COA1: variants seen among roughly 807,000 people sequenced by gnomAD.
The protein encoded by COA1 is cytochrome c oxidase assembly factor 1 homolog.
A neutral mutation model predicts 16.0 loss-of-function variants in COA1; 13 were observed. The ratio of observed to expected loss-of-function variants is 0.81; its 90% CI spans 0.53 to 1.29. COA1 has a LOEUF of 1.29. Among genes scored for constraint, COA1 ranks in the 50% most tolerant of loss-of-function variants. The pLI is 0.00. For missense variants in COA1, 179 were observed against 177.0 expected, an observed-to-expected ratio of 1.01 and a Z score of -0.06; for synonymous variants, 65 against 65.7, an observed-to-expected ratio of 0.99 and a Z score of 0.05.
chr7:43,712,424 T>C (rs2095280162), intron 1 of COA1, among the ~76,000 whole-genome samples: 1 of 152,196 alleles, frequency 6.6e-6, no homozygotes, highest in Non-Finnish European at 1.5e-5. Flanking sequence ...CCTCCAGAAT[T>C]TTGAAGGCGG....
At chr7:43,718,833 G>A (rs1440885608) in intron 1 of COA1, among the ~76,000 whole-genome samples, 1 of 151,994 alleles carries the variant, frequency 6.6e-6, no homozygotes, top group Non-Finnish European at 1.5e-5. Context: ...AGTTAATTTC[G>A]ACTCATTCTT....
intron 6 of COA1, chr7:43,624,697 C>A (rs559570046): frequency 6.2e-7 from 1 of 1,614,004 alleles, no homozygotes; most frequent in South Asian, 1.1e-5. Context: ...TCCATTGTAA[C>A]CGAAGAGTTA....
At chr7:43,689,342 C>T (rs1048815875) in intron 1 of COA1, among the ~76,000 whole-genome samples, 1 of 152,182 alleles carries the variant, frequency 6.6e-6, no homozygotes, top group Admixed American at 6.5e-5. Flanking sequence ...AAGGCAGAGA[C>T]TGACTGTAAT....
chr7:43,655,507 C>CA (rs2091576367), intron 1 of COA1, among the ~76,000 whole-genome samples: 1 of 152,034 alleles, frequency 6.6e-6, no homozygotes, highest in African/African-American at 2.4e-5. Flanking sequence ...TAACATCAAC[C>CA]GGGCATGGTG....
chr7:43,611,721 G>A (rs2082897748), intron 6 of COA1, among the ~76,000 whole-genome samples: 2 of 152,150 alleles, frequency 1.3e-5, no homozygotes, highest in African/African-American at 4.8e-5. Context: ...AAATGTTTAT[G>A]CTGTAGCTTC....
intron 1 of COA1, among the ~76,000 whole-genome samples, chr7:43,653,735 G>C (rs1012998261): frequency 6.6e-6 from 1 of 151,888 alleles, no homozygotes; most frequent in South Asian, 2.1e-4. Context: ...AAGTAATGGC[G>C]AAAACCACAA....
chr7:43,674,461 CTTCT>C (rs1343611925), intron 1 of COA1, among the ~76,000 whole-genome samples: 3 of 152,162 alleles, frequency 2.0e-5, no homozygotes, highest in Non-Finnish European at 2.9e-5. Flanking sequence ...ACAAAGCTTA[CTTCT>C]TTCTTGCTCC....
At position 43,647,721 on chromosome 7, in the gene COA1, A is replaced by G. The variant is rs74851925; in HGVS notation, c.16-87T>C. ...CCGGCTTGGACCCCTAAAGGAAAGA[A>G]GCATTAAGGAAGCCAGAAAGGAGGC... On this transcript the variant is annotated intron_variant, in intron 2 of 5. Coordinates refer to ENST00000223336, the MANE Select transcript of COA1 (RefSeq NM_018224.4). 3,451 of 972,926 alleles carry G rather than the reference A, an allele frequency of 3.5e-3. 13 individuals are homozygous for G. Among genetic ancestry groups the G allele is most frequent in the Non-Finnish European group, 4.9e-3 (3,108 of 638,924 alleles). 60.3% of individuals were successfully genotyped at this position (972,926 alleles called of 1,614,324 possible). A position where few individuals can be genotyped will look rare whatever the true frequency, so the allele number is the denominator to read the frequency against.
intron 6 of COA1, chr7:43,623,592 G>A: frequency 6.2e-7 from 1 of 1,609,972 alleles, no homozygotes; most frequent in Admixed American, 1.7e-5. Flanking sequence ...TCTTAGTTAT[G>A]ATCCTATAAG....
intron 4 of COA1, among the ~76,000 whole-genome samples, chr7:43,643,860 A>C (rs1313284254): frequency 6.6e-6 from 1 of 152,236 alleles, no homozygotes; most frequent in Non-Finnish European, 1.5e-5. Context: ...TTGCTTTTGT[A>C]GTTAGAAAAA....
intron 6 of COA1, among the ~76,000 whole-genome samples, chr7:43,615,817 A>G (rs1246348960): frequency 6.6e-6 from 1 of 151,872 alleles, no homozygotes; most frequent in Non-Finnish European, 1.5e-5. Flanking sequence ...CTTCCTGCTT[A>G]CTCCAACCCC....
At chr7:43,680,616 A>G (rs561816031) in intron 1 of COA1, among the ~76,000 whole-genome samples, 1 of 152,160 alleles carries the variant, frequency 6.6e-6, no homozygotes, top group African/African-American at 2.4e-5. Flanking sequence ...ACAGAGATTT[A>G]TTTTCATTAA....
downstream of COA1, among the ~76,000 whole-genome samples, chr7:43,638,385 G>GT (rs369929359): frequency 1.1e-3 from 170 of 152,204 alleles, no homozygotes; most frequent in African/African-American, 4.0e-3. Context: ...CCAGATTTCT[G>GT]TTTTTGTAGG....
At chr7:43,634,137 C>T (rs1335750904) in intron 6 of COA1, among the ~76,000 whole-genome samples, 3 of 151,958 alleles carry the variant, frequency 2.0e-5, no homozygotes, top group African/African-American at 7.3e-5. Flanking sequence ...TAAATGATGG[C>T]TGCTTCAAAA....
chr7:43,639,754 C>G (rs576930988), intron 5 of COA1, 73 bp from the exon 6 acceptor site: 12 of 1,182,384 alleles, frequency 1.0e-5, no homozygotes, highest in Non-Finnish European at 1.5e-5. Context: ...AAAAAAGGGG[C>G]GCGGAAAGCA....
At chr7:43,645,227 C>T (rs1200460705) in intron 4 of COA1, 24 bp downstream of exon 4, 3 of 1,610,538 alleles carry the variant, frequency 1.9e-6, no homozygotes, top group African/African-American at 1.3e-5. Context: ...CACCAGCCTG[C>T]GGTTCGCAGG....
intron 6 of COA1, among the ~76,000 whole-genome samples, chr7:43,630,270 T>C (rs2085040703): frequency 6.6e-6 from 1 of 152,228 alleles, no homozygotes; most frequent in South Asian, 2.1e-4. Context: ...CAGCTTATTT[T>C]ACATGGCAGG....
chr7:43,639,686 G>A lies in COA1; in HGVS notation c.342-5C>T, dbSNP rs2086563654. The A allele has an allele frequency of 1.2e-6, 2 of 1,610,824 alleles. No homozygotes were observed. Among genetic ancestry groups the A allele is most frequent in the East Asian group, 2.2e-5 (1 of 44,860 alleles). On this transcript the variant is annotated splice_region_variant and splice_polypyrimidine_tract_variant and intron_variant, in intron 5 of 5. Transcript: ENST00000223336. ...AAGACCTCGTCAAGGTGCCACCTGA[G>A]AGAAACCAAAAGTATAGTATCTCTA...
At chr7:43,671,597 C>T (rs1245434965) in intron 1 of COA1, among the ~76,000 whole-genome samples, 1 of 152,124 alleles carries the variant, frequency 6.6e-6, no homozygotes, top group African/African-American at 2.4e-5. Context: ...AATGGAAAAA[C>T]ACTCCATGCT....
Sources: allele counts gnomAD v4.1 joint callset (sites outside exome capture counted in the v4.1 genomes callset), GRCh38; gene constraint gnomAD v4.1.1; transcripts MANE v1.5; gene names NCBI Gene and HGNC (gene_info 2026-07-23, HGNC 2026-07-21).